Variants in HMCN2 observed in about 807,000 individuals in gnomAD.
The protein encoded by HMCN2 is hemicentin-2.
HMCN2 carries 325 observed loss-of-function variants against 377.5 expected under a neutral mutation model. The ratio of observed to expected loss-of-function variants is 0.86; its 90% CI spans 0.79 to 0.94. The LOEUF is 0.94. HMCN2 is among the 40% of genes least tolerant of loss of function. HMCN2 has a pLI of 0.00. For missense variants in HMCN2, 4,543 were observed against 4,725.3 expected (o/e 0.96, Z 1.13); for synonymous variants, 2,007 against 2,046.8 (o/e 0.98, Z 0.53).
chr9:130,397,669 G>A lies in HMCN2; in HGVS notation c.11326+14G>A, dbSNP rs1168083631. On this transcript the variant is annotated intron_variant, in intron 74 of 97. Coordinates refer to ENST00000683500, the MANE Select transcript of HMCN2 (RefSeq NM_001291815.2). ...TACGGGTCTTGGGTAGGTGGCCTGG[G>A]GAAGGCCTTCAGTGTCCAGTCCCTG... The A allele has an allele frequency of 3.1e-6, 4 of 1,289,480 alleles. No homozygotes were observed. In the African/African-American group the frequency reaches 4.6e-5, roughly 15 times the overall value. 79.9% of individuals were successfully genotyped at this position (1,289,480 alleles called of 1,614,324 possible). A position where few individuals can be genotyped will look rare whatever the true frequency, so the allele number is the denominator to read the frequency against.
intron 1 of HMCN2, among the ~76,000 whole-genome samples, chr9:130,272,578 C>T (rs1834461315): frequency 6.6e-6 from 1 of 151,954 alleles, no homozygotes; most frequent in Admixed American, 6.6e-5. Context: ...GACAGGGTCT[C>T]ATTCTGTTGC....
At chr9:130,411,223 A>C (rs950393489) in intron 85 of HMCN2, among the ~76,000 whole-genome samples, 2 of 151,684 alleles carry the variant, frequency 1.3e-5, no homozygotes, top group African/African-American at 4.9e-5. Flanking sequence ...TAAAAAAAAA[A>C]ACAACAAACT....
At chr9:130,290,880 A>C (rs1394805885) in intron 4 of HMCN2, among the ~76,000 whole-genome samples, 2 of 134,196 alleles carry the variant, frequency 1.5e-5, no homozygotes, top group Non-Finnish European at 3.2e-5. Context: ...AAAAAAAAAA[A>C]CAAAAACCCA....
chr9:130,306,042 G>A, intron 11 of HMCN2, 87 bp from the exon 12 acceptor site: 1 of 441,198 alleles, frequency 2.3e-6, no homozygotes, highest in Non-Finnish European at 4.8e-6. Flanking sequence ...TGTGACTATG[G>A]GAGGGGAAGA....
chr9:130,403,683 A>C, intron 79 of HMCN2, 58 bp from the exon 80 acceptor site: 1 of 1,272,254 alleles, frequency 7.9e-7, no homozygotes, highest in South Asian at 1.3e-5. Flanking sequence ...CAATCTGCCC[A>C]CCTCGGGGGT....
At chr9:130,372,981 C>T (rs4740353) in intron 47 of HMCN2, 57 bp from the exon 48 acceptor site, 52,343 of 129,242 alleles carry the variant, frequency 0.41, 13,100 homozygotes, top group East Asian at 0.65. Context: ...GTAGCCTGGG[C>T]GGGCCAGCCC....
Position 130,347,867 on chromosome 9 carries a change from A to T in HMCN2, c.4024+507A>T. 3.1e-6 allele frequency: 1 copy of T among 323,978 alleles called. No homozygotes were observed. Among genetic ancestry groups the T allele is most frequent in the Non-Finnish European group, 4.4e-6 (1 of 225,690 alleles). 20.1% of individuals were successfully genotyped at this position (323,978 alleles called of 1,614,324 possible). Reference sequence around the variant, plus strand: ...TCTCTACATAAAATAAACTTAAAAAATTATTTTTAAAAATGAGCACGGATG... The same window carrying T: ...TCTCTACATAAAATAAACTTAAAAATTTATTTTTAAAAATGAGCACGGATG... On this transcript the variant is annotated intron_variant, in intron 26 of 97. Coordinates refer to ENST00000683500, the MANE Select transcript of HMCN2 (RefSeq NM_001291815.2). The surrounding 1 kb of genome is among the most constrained non-coding windows in gnomAD (Gnocchi z 5.1).
At chr9:130,312,853 A>G (rs1837343316) in intron 15 of HMCN2, among the ~76,000 whole-genome samples, 2 of 151,568 alleles carry the variant, frequency 1.3e-5, no homozygotes, top group Admixed American at 1.3e-4. Flanking sequence ...TTTAGTAGAG[A>G]TGGGGTTTCA....
At chr9:130,295,411 T>C (rs1836071224) in intron 5 of HMCN2, among the ~76,000 whole-genome samples, 1 of 151,922 alleles carries the variant, frequency 6.6e-6, no homozygotes, top group Admixed American at 6.6e-5. Context: ...GATTCAGACA[T>C]GGTCACCTGA....
intron 22 of HMCN2, among the ~76,000 whole-genome samples, chr9:130,336,542 C>G (rs2131458349): frequency 6.6e-6 from 1 of 152,262 alleles, no homozygotes; most frequent in Non-Finnish European, 1.5e-5. Context: ...CTTGCCCAAC[C>G]TCACACAGCT....
At chr9:130,368,986 T>C (rs1840860686) in intron 44 of HMCN2, among the ~76,000 whole-genome samples, 1 of 152,086 alleles carries the variant, frequency 6.6e-6, no homozygotes. Context: ...AGCTTCTCAC[T>C]AACCCAAGCA....
At position 130,400,847 on chromosome 9, in the gene HMCN2, C is replaced by T. The variant is rs530257895; in HGVS notation, c.11670C>T (p.Leu3890=). The T allele has an allele frequency of 1.4e-5, 18 of 1,289,672 alleles. 1 individual carries two copies. The African/African-American group carries it at 2.1e-4, about 15-fold the overall frequency. 79.9% of individuals were successfully genotyped at this position (1,289,672 alleles called of 1,614,324 possible). ...TGACCATGATGGCACCTGTGGTCCT[C>T]ACATGTCACAGCACGGGTATACCAG... ...FTVTMMAPVV[L]TCHSTGIPAP... is the part of the protein sequence containing the mutation. The change falls in exon 77 of 98, where the codon CTC becomes CTT. Residue 3890 remains leucine (L), a synonymous_variant. Coordinates refer to ENST00000683500, the MANE Select transcript of HMCN2 (RefSeq NM_001291815.2).
At chr9:130,377,038 A>T (rs1188980278) in intron 52 of HMCN2, among the ~76,000 whole-genome samples, 2 of 152,126 alleles carry the variant, frequency 1.3e-5, no homozygotes, top group African/African-American at 4.8e-5. Flanking sequence ...ACCTCAGGTC[A>T]TCTGCCCGCC....
Position 130,394,045 on chromosome 9 carries a change from C to T in HMCN2, c.10501+37C>T, listed in dbSNP as rs748988180. 44 of 1,202,860 alleles carry T rather than the reference C, an allele frequency of 3.7e-5. No individual in the cohort carries two copies. The South Asian group carries it at 5.6e-4, about 15-fold the overall frequency. 74.5% of individuals were successfully genotyped at this position (1,202,860 alleles called of 1,614,324 possible). A position where few individuals can be genotyped will look rare whatever the true frequency, so the allele number is the denominator to read the frequency against. ...GGCCTCTGGCCAGCTTCTCTGGGCT[C>T]GGGGGAGAGGGTGGGACTCTAGGGG... On this transcript the variant is annotated intron_variant, in intron 68 of 97. Transcript: ENST00000683500. This position sits in a 1 kb window ranked among gnomAD's most constrained non-coding sequence, Gnocchi z 5.1.
intron 15 of HMCN2, among the ~76,000 whole-genome samples, chr9:130,317,773 G>A (rs1278635752): frequency 1.4e-5 from 2 of 140,646 alleles, no homozygotes; most frequent in East Asian, 2.3e-4. Flanking sequence ...GCGACAGAGC[G>A]AGACTCTGTC....
In HMCN2 at chr9:130,407,554, C is replaced by T; in HGVS notation, c.12554-17C>T. On this transcript the variant is annotated splice_polypyrimidine_tract_variant and intron_variant, in intron 82 of 97. Transcript: ENST00000683500. ...GGCAGGAGTTCCCTGCACCCGACTT[C>T]TCTTTCTCCACCACAGAAGGGGTGT... 7.8e-7 allele frequency: 1 copy of T among 1,289,124 alleles called. No individual in the cohort carries two copies. The highest frequency in any genetic ancestry group is 1.0e-6 in the Non-Finnish European group (1 of 988,496). 79.9% of individuals were successfully genotyped at this position (1,289,124 alleles called of 1,614,324 possible).
intron 1 of HMCN2, among the ~76,000 whole-genome samples, chr9:130,281,102 GA>G (rs11410225): frequency 2.4e-4 from 35 of 145,512 alleles, no homozygotes; most frequent in South Asian, 6.6e-4. Flanking sequence ...GACTCTGTCT[GA>G]AAAAAAAAAA....
At chr9:130,432,751 C>T in intron 97 of HMCN2, 196 bp downstream of exon 97, 2 of 611,244 alleles carry the variant, frequency 3.3e-6, no homozygotes, top group East Asian at 5.6e-5. Context: ...ACCCCAGACA[C>T]AGGACCACCA....
At chr9:130,285,923 G>A (rs1835388113) in intron 3 of HMCN2, among the ~76,000 whole-genome samples, 1 of 152,202 alleles carries the variant, frequency 6.6e-6, no homozygotes, top group Non-Finnish European at 1.5e-5. Context: ...CGTCTTTATT[G>A]TTGATTTAAT....
Sources: gnomAD v4.1 joint callset for allele counts (sites outside exome capture counted in the v4.1 genomes callset) on GRCh38, gnomAD v4.1.1 for gene constraint, Gnocchi (gnomAD v3.1) non-coding constraint, MANE v1.5 for transcripts, NCBI Gene and HGNC (gene_info 2026-07-23, HGNC 2026-07-21) for gene names.